The following FNIP2 variants were observed in gnomAD, a reference collection of about 807,000 sequenced individuals.
FNIP2 encodes the protein folliculin interacting protein 2.
In FNIP2, 32 loss-of-function variants were observed where a neutral mutation model predicts 108.7. The ratio of observed to expected loss-of-function variants is 0.29; its 90% confidence interval spans 0.22 to 0.40. The LOEUF is 0.40. Among genes scored for constraint, FNIP2 ranks in the 10% least tolerant of loss-of-function variants. The probability of loss-of-function intolerance (pLI) is 1.00; values close to 1 mark genes in which losing one functional copy is unlikely to be tolerated. For synonymous variants in FNIP2, 480 were observed against 496.7 expected, an observed-to-expected ratio of 0.97 and a Z score of 0.45; for missense variants, 1,202 against 1,381.6, an observed-to-expected ratio of 0.87 and a Z score of 2.06.
At chr4:158,856,739 G>T (rs549042402) in intron 8 of FNIP2, among the ~76,000 whole-genome samples, 1 of 152,350 alleles carries the variant, frequency 6.6e-6, no homozygotes, top group Non-Finnish European at 1.5e-5. Context: ...CCTGAGGAAA[G>T]TTGAGGTAGA....
At chr4:158,867,161 C>T (rs1780630700) in intron 12 of FNIP2, among the ~76,000 whole-genome samples, 1 of 152,086 alleles carries the variant, frequency 6.6e-6, no homozygotes, top group Admixed American at 6.5e-5. Flanking sequence ...GGATATATAA[C>T]TAATGGGACA....
chr4:158,866,410 G>A (rs1780585319), intron 12 of FNIP2, among the ~76,000 whole-genome samples: 1 of 150,630 alleles, frequency 6.6e-6, no homozygotes, highest in Admixed American at 6.6e-5. Context: ...TAGAGACGGG[G>A]TTTCACCCTG....
At chr4:158,803,465 G>C (rs1486345030) in intron 1 of FNIP2, among the ~76,000 whole-genome samples, 1 of 152,202 alleles carries the variant, frequency 6.6e-6, no homozygotes, top group Non-Finnish European at 1.5e-5. Context: ...CCTCCTCTTA[G>C]TTACTCTCTG....
At chr4:158,828,405 AG>A (rs749239523) in intron 2 of FNIP2, among the ~76,000 whole-genome samples, 1 of 152,286 alleles carries the variant, frequency 6.6e-6, no homozygotes, top group East Asian at 1.9e-4. Context: ...CACGAGGTCA[AG>A]AGATCAAGAC....
Position 158,861,406 on chromosome 4 carries a change from T to A in FNIP2, c.1213T>A (p.Ser405Thr). The A allele has an allele frequency of 6.2e-7, 1 of 1,614,042 alleles. No homozygotes were observed. Among genetic ancestry groups the A allele is most frequent in the Non-Finnish European group, 8.5e-7 (1 of 1,179,896 alleles). Residue 405 changes from serine to threonine, a missense_variant, in exon 11 of 17, where the codon TCC becomes ACC. By Grantham distance (58) the Ser-to-Thr change is moderately conservative. Transcript: ENST00000264433. ...TGAACCTGTATGGCTTACTATGATG[T>A]CCGGCACTTTGGAAAAAAACCAGCT... ...IAEPVWLTMM[S>T]GTLEKNQLCQ...
chr4:158,804,628 G>T (rs562399933), intron 1 of FNIP2, among the ~76,000 whole-genome samples: 1 of 152,226 alleles, frequency 6.6e-6, no homozygotes, highest in South Asian at 2.1e-4. Context: ...GCCCAGGCTG[G>T]TCTTTAAATC....
chr4:158,866,879 GATAC>G (rs763972980), intron 12 of FNIP2, among the ~76,000 whole-genome samples: 34 of 152,216 alleles, frequency 2.2e-4, no homozygotes, highest in Non-Finnish European at 4.6e-4. Flanking sequence ...ACCCAGCTGA[GATAC>G]ATCTTTAGGG....
chr4:158,769,265 G>A lies in FNIP2; in HGVS notation c.53G>A (p.Ser18Asn), dbSNP rs1175946105. ...TTCAACAAAAGGGGCAGCAGCGGCA[G>A]CTCCGCGGCGGCGTCTGCCCAGGGC... ...KLFNKRGSSGSSAAASAQGRA... is the reference protein window; with the variant it reads ...KLFNKRGSSGNSAAASAQGRA... Residue 18 changes from serine (S) to asparagine (N), a missense_variant, in exon 1 of 17, where the codon AGC becomes AAC. This residue lies in a region of FNIP2 where 173 missense variants were observed against 165.9 expected (regional missense o/e 1.04). Transcript: ENST00000264433. The A allele has an allele frequency of 6.5e-7, 1 of 1,542,674 alleles. No individual in the cohort carries two copies. Among genetic ancestry groups the A allele is most frequent in the Non-Finnish European group, 8.7e-7 (1 of 1,148,876 alleles).
Position 158,870,332 on chromosome 4 carries a change from C to G in FNIP2, c.2812C>G (p.Gln938Glu). 6.2e-7 allele frequency: 1 copy of G among 1,613,810 alleles called. No individual in the cohort carries two copies. Among genetic ancestry groups the G allele is most frequent in the Non-Finnish European group, 8.5e-7 (1 of 1,179,708 alleles). Residue 938 changes from glutamine (Q) to glutamate (E), a missense_variant, in exon 14 of 17, where the codon CAG becomes GAG. By Grantham distance (29) the Gln-to-Glu change is conservative (BLOSUM62 2). This residue lies in a region of FNIP2 where 878 missense variants were observed against 990.3 expected (regional missense o/e 0.89). Coordinates refer to ENST00000264433, the MANE Select transcript of FNIP2 (RefSeq NM_020840.3). Reference sequence around the variant, plus strand: ...TTTTAGGTCTCAGAGCATCAGCACCCAGAATGTAAGGAACTTTGGCCGCTC... The same window carrying G: ...TTTTAGGTCTCAGAGCATCAGCACCGAGAATGTAAGGAACTTTGGCCGCTC... ...PLPRSQSIST[Q>E]NVRNFGRSLL...
intron 1 of FNIP2, among the ~76,000 whole-genome samples, chr4:158,774,098 G>A (rs539027685): frequency 3.5e-4 from 54 of 152,190 alleles, no homozygotes; most frequent in South Asian, 1.2e-3. Flanking sequence ...ATCTATGCAT[G>A]TAACAAAATT....
chr4:158,899,144 T>TTACC (rs1471435994), intron 16 of FNIP2, among the ~76,000 whole-genome samples: 1 of 152,188 alleles, frequency 6.6e-6, no homozygotes, highest in Admixed American at 6.5e-5. Context: ...ATGCGATGGA[T>TTACC]TACCTTTATT....
rs753927919 is a variant in FNIP2, at chr4:158,827,955, A to G, written c.235-1124A>G. Among the ~76,000 whole-genome samples the G allele has an allele frequency of 1.3e-4, 20 of 152,090 alleles. No homozygotes were observed. In the East Asian group the frequency reaches 2.7e-3, roughly 21 times the overall value. ...GATTAGATAAGCTGCAATTGCATTC[A>G]TGTTTTTTTCCAAGCAAAAGCTACA... On this transcript the variant is annotated intron_variant, in intron 2 of 16. Transcript: ENST00000264433.
intron 16 of FNIP2, among the ~76,000 whole-genome samples, chr4:158,902,317 T>C (rs1476864274): frequency 6.6e-6 from 1 of 152,208 alleles, no homozygotes; most frequent in Non-Finnish European, 1.5e-5. Flanking sequence ...CAGCGGAGGC[T>C]GTAGAACAGC....
At chr4:158,824,711 G>C (rs1778059421) in intron 1 of FNIP2, among the ~76,000 whole-genome samples, 1 of 152,082 alleles carries the variant, frequency 6.6e-6, no homozygotes, top group South Asian at 2.1e-4. Context: ...GTTTTCCTTG[G>C]CTTCTCATGG....
At chr4:158,884,274 T>C (rs1781894070) in intron 14 of FNIP2, among the ~76,000 whole-genome samples, 1 of 152,152 alleles carries the variant, frequency 6.6e-6, no homozygotes, top group Non-Finnish European at 1.5e-5. Flanking sequence ...AGCTAGAATG[T>C]ATTAGATATT....
At chr4:158,793,174 A>C (rs761945788) in intron 1 of FNIP2, among the ~76,000 whole-genome samples, 1 of 152,252 alleles carries the variant, frequency 6.6e-6, no homozygotes, top group Non-Finnish European at 1.5e-5. Flanking sequence ...AGGGATACTT[A>C]GGTCAGAGGA....
At chr4:158,856,443 C>T (rs1163355478) in intron 8 of FNIP2, among the ~76,000 whole-genome samples, 2 of 152,096 alleles carry the variant, frequency 1.3e-5, no homozygotes, top group African/African-American at 4.8e-5. Flanking sequence ...AAATGATTAT[C>T]GATAAGTGTT....
rs754018211 is a variant in FNIP2, at chr4:158,868,684, G to A, written c.2048G>A (p.Cys683Tyr). ...ATGAAGATGGACCAGCAAGCTGTCT[G>A]TGAGCTGTTGAAAGTGGAGATGCCT... Reference protein sequence around the residue: ...AGMKMDQQAVCELLKVEMPTR... With the variant: ...AGMKMDQQAVYELLKVEMPTR... Residue 683 changes from cysteine to tyrosine, a missense_variant, in exon 13 of 17, where the codon TGT becomes TAT. This residue lies in a region of FNIP2 where 878 missense variants were observed against 990.3 expected (regional missense o/e 0.89). Coordinates refer to ENST00000264433, the MANE Select transcript of FNIP2 (RefSeq NM_020840.3). The surrounding 1 kb of genome is among the most constrained non-coding windows in gnomAD (Gnocchi z 4.6). The A allele has an allele frequency of 6.2e-7, 1 of 1,614,054 alleles. No individual in the cohort carries two copies.
At chr4:158,791,842 A>G (rs1776429866) in intron 1 of FNIP2, among the ~76,000 whole-genome samples, 3 of 152,160 alleles carry the variant, frequency 2.0e-5, no homozygotes, top group African/African-American at 4.8e-5. Flanking sequence ...AGCATGACAC[A>G]TATAGAAGGC....
Sources: allele counts gnomAD v4.1 joint callset (sites outside exome capture counted in the v4.1 genomes callset), GRCh38; gene constraint gnomAD v4.1.1; regional missense constraint gnomAD v4.1.1; non-coding constraint Gnocchi (gnomAD v3.1); transcripts MANE v1.5; gene names NCBI Gene and HGNC (gene_info 2026-07-23, HGNC 2026-07-21).